Variants in SGO2 observed in about 807,000 individuals in gnomAD.
SGO2 encodes the protein shugoshin-like 2.
SGO2 carries 68 observed loss-of-function variants against 99.5 expected under a neutral mutation model. The observed-to-expected ratio is 0.68, with a 90% CI of 0.56 to 0.84. The LOEUF (loss-of-function observed/expected upper bound fraction) is 0.84, where lower values mean the gene tolerates loss of function less well. Among genes scored for constraint, SGO2 ranks in the 40% least tolerant of loss-of-function variants. SGO2 has a pLI of 0.00. For missense variants in SGO2, 1,350 were observed against 1,436.7 expected (o/e 0.94, Z 0.97); for synonymous variants, 457 against 487.1 (o/e 0.94, Z 0.81).
chr2:200,572,271 A>G lies in SGO2; in HGVS notation c.1925A>G (p.Lys642Arg). ...GATAAAGATGTGGTGCATGGCCTAA[A>G]AAAAGGTAATTTTTTTTTCAAAACC... ...DNDKDVVHGL[K>R]KGNFFFKTQE... The change falls in exon 7 of 9, where the codon AAA becomes AGA. Residue 642 changes from lysine (K) to arginine (R), a missense_variant. By Grantham distance (26) the Lys-to-Arg change is conservative. Transcript: ENST00000357799. The G allele has an allele frequency of 6.2e-7, 1 of 1,610,986 alleles. No individual in the cohort carries two copies. The highest frequency in any genetic ancestry group is 1.1e-5 in the South Asian group (1 of 90,166).
intron 1 of SGO2, chr2:200,531,706 A>G (rs544347100): frequency 3.6e-4 from 55 of 152,368 alleles, no homozygotes; most frequent in Admixed American, 9.8e-4. Flanking sequence ...AAAACAACTG[A>G]AATGTATTTC....
At chr2:200,546,252 C>T (rs1183906542) in intron 5 of SGO2, among the ~76,000 whole-genome samples, 1 of 145,786 alleles carries the variant, frequency 6.9e-6, no homozygotes, top group African/African-American at 2.5e-5. Context: ...ATTCAGGAGG[C>T]TGAGGCAGGA....
rs1052004089 is a variant in SGO2, at chr2:200,572,640, A to G, written c.2294A>G (p.Glu765Gly). 1 of 1,612,672 alleles carries G rather than the reference A, an allele frequency of 6.2e-7. No individual in the cohort carries two copies. Among genetic ancestry groups the G allele is most frequent in the Admixed American group, 1.7e-5 (1 of 59,846 alleles). Residue 765 changes from glutamate (E) to glycine (G), a missense_variant, in exon 7 of 9, where the codon GAA becomes GGA. Physicochemically the swap from Glu to Gly is moderately conservative, Grantham distance 98. Transcript: ENST00000357799. Reference protein sequence around the residue: ...PGNLEDPSEFETPALSTKDSG... With the variant: ...PGNLEDPSEFGTPALSTKDSG... ...AACCTAGAAGACCCAAGTGAGTTTG[A>G]AACACCTGCTCTTTCTACCAAAGAT...
At chr2:200,533,453 G>C (rs1160297747) in intron 2 of SGO2, 1 of 203,038 alleles carries the variant, frequency 4.9e-6, no homozygotes, top group East Asian at 1.5e-4. Flanking sequence ...ACTGGATGAT[G>C]GGTAGCCTTG....
rs564042654 is a variant in SGO2, at chr2:200,532,861, T to C, written c.-2-113T>C. 78 of 1,086,528 alleles carry C rather than the reference T, an allele frequency of 7.2e-5. No individual in the cohort carries two copies. The African/African-American group carries it at 1.4e-3, about 19-fold the overall frequency. The allele number at this position is 1,086,528 out of a possible 1,614,324, so 67.3% of individuals were successfully genotyped here. ...CAGATTTTATGTAAAGTTTAGCAAA[T>C]ACTTAATGCACAAAGTATATTAAGT... On this transcript the variant is annotated intron_variant, in intron 1 of 8. Coordinates refer to ENST00000357799, the MANE Select transcript of SGO2 (RefSeq NM_152524.6).
At chr2:200,561,185 C>G (rs961304614) in intron 5 of SGO2, among the ~76,000 whole-genome samples, 1 of 152,130 alleles carries the variant, frequency 6.6e-6, no homozygotes, top group Non-Finnish European at 1.5e-5. Context: ...CTAACGCTAT[C>G]CCTCCCCTCT....
Position 200,572,049 on chromosome 2 carries a change from T to C in SGO2, c.1703T>C (p.Phe568Ser). 1 of 1,613,474 alleles carries C rather than the reference T, an allele frequency of 6.2e-7. No homozygotes were observed. Among genetic ancestry groups the C allele is most frequent in the South Asian group, 1.1e-5 (1 of 90,972 alleles). The change falls in exon 7 of 9, where the codon TTT becomes TCT. Residue 568 changes from phenylalanine (F) to serine (S), a missense_variant. Phe to Ser is a radical substitution (Grantham distance 155). Coordinates refer to ENST00000357799, the MANE Select transcript of SGO2 (RefSeq NM_152524.6). ...IYENLDVTNE[F>S]HTANLSTKDN... ...GAAAACCTAGACGTCACAAATGAAT[T>C]TCACACAGCCAATCTTTCCACCAAA...
In SGO2 at chr2:200,526,256, A is replaced by G. The variant is rs541059780; in HGVS notation, c.-3+4A>G. On this transcript the variant is annotated splice_donor_region_variant and intron_variant, in intron 1 of 8. Coordinates refer to ENST00000357799, the MANE Select transcript of SGO2 (RefSeq NM_152524.6). The surrounding 1 kb of genome is among the most constrained non-coding windows in gnomAD (Gnocchi z 4.8). ...GGTGCCCCACGCTGAAAGAGAGGTA[A>G]GTTAGTGGCCTGCGGCAGTTGACGT... The G allele has an allele frequency of 9.8e-5, 15 of 152,422 alleles. No individual in the cohort carries two copies. Among genetic ancestry groups the G allele is most frequent in the African/African-American group, 3.6e-4 (15 of 41,582 alleles). 9.4% of individuals were successfully genotyped at this position (152,422 alleles called of 1,614,324 possible). A position where few individuals can be genotyped will look rare whatever the true frequency, so the allele number is the denominator to read the frequency against.
chr2:200,580,446 T>C (rs535917851), intron 8 of SGO2: 7 of 428,528 alleles, frequency 1.6e-5, no homozygotes, highest in East Asian at 8.8e-5. Context: ...TTCATATTTA[T>C]TATTTCCTTC....
chr2:200,573,191 A>T lies in SGO2; in HGVS notation c.2845A>T (p.Lys949Ter), dbSNP rs375831952. The part of the protein sequence containing the change: ...KDLDFKVNKS[K>*]QKLECQDIIN... ...TCTTGATTTTAAAGTAAATAAATCT[A>T]AACAAAAACTTGAATGCCAAGACAT... The change falls in exon 7 of 9, where the codon AAA (lysine) becomes TAA (stop). Residue 949 changes from lysine (K) to a stop codon, truncating the protein, a stop_gained. Transcript: ENST00000357799. LOFTEE classifies it high-confidence loss of function. The T allele has an allele frequency of 6.3e-7, 1 of 1,578,756 alleles. No homozygotes were observed.
rs966198575 is a variant in SGO2, at chr2:200,575,423, G to T, written c.3744G>T (p.Arg1248Ser). 6.3e-7 allele frequency: 1 copy of T among 1,597,972 alleles called. No homozygotes were observed. The highest frequency in any genetic ancestry group is 1.1e-5 in the South Asian group (1 of 88,806). Residue 1248 changes from arginine to serine, a missense_variant, in exon 8 of 9, where the codon AGG (arginine) becomes AGT (serine). By Grantham distance (110) the Arg-to-Ser change is moderately radical. Coordinates refer to ENST00000357799, the MANE Select transcript of SGO2 (RefSeq NM_152524.6). ...LSSERTSRRR[R>S]CTPFYFKEPS... The stretch of plus-strand genomic sequence containing the variant: ...CAGAACGGACAAGCAGAAGAAGAAG[G>T]TGTACTCCTTTCTATTTTAAAGAGC...
intron 5 of SGO2, among the ~76,000 whole-genome samples, chr2:200,550,941 G>C (rs556898391): frequency 6.6e-6 from 1 of 150,836 alleles, no homozygotes; most frequent in African/African-American, 2.4e-5. Context: ...CTGTCTCTCT[G>C]AGAAAGGATT....
At chr2:200,578,183 T>TAG (rs374832694) in intron 8 of SGO2, among the ~76,000 whole-genome samples, 17 of 152,162 alleles carry the variant, frequency 1.1e-4, no homozygotes, top group East Asian at 3.9e-4. Flanking sequence ...GATATAGATA[T>TAG]ATATCGTGGG....
chr2:200,533,078 C>T lies in SGO2; in HGVS notation c.103C>T (p.Leu35Phe). ...ISKTTKLNVS[L>F]ASKIKTKILN... ...AAAGACTACTAAGTTGAATGTTTCT[C>T]TTGCTTCAAAAATAAAAACAAAAAT... is the stretch of plus-strand genomic sequence containing the variant. Residue 35 changes from leucine (L) to phenylalanine (F), a missense_variant, in exon 2 of 9, where the codon CTT becomes TTT. Coordinates refer to ENST00000357799, the MANE Select transcript of SGO2 (RefSeq NM_152524.6). 4.4e-6 allele frequency: 7 copies of T among 1,586,134 alleles called. No homozygotes were observed. Among genetic ancestry groups the T allele is most frequent in the Non-Finnish European group, 6.0e-6 (7 of 1,171,626 alleles).
At chr2:200,531,128 G>A (rs977427227) in intron 1 of SGO2, among the ~76,000 whole-genome samples, 2 of 84,994 alleles carry the variant, frequency 2.4e-5, no homozygotes, top group African/African-American at 1.0e-4. Flanking sequence ...GGAAGGCATG[G>A]GATCCAGTGC....
At position 200,570,858 on chromosome 2, in the gene SGO2, G is replaced by A. The variant is rs1411334452; in HGVS notation, c.704-192G>A. 6.6e-6 allele frequency among the ~76,000 whole-genome samples: 1 copy of A among 151,968 alleles called. No homozygotes were observed. Among genetic ancestry groups the A allele is most frequent in the East Asian group, 1.9e-4 (1 of 5,194 alleles). On this transcript the variant is annotated intron_variant, in intron 6 of 8. Transcript: ENST00000357799. This position sits in a 1 kb window ranked among gnomAD's most constrained non-coding sequence, Gnocchi z 4.4. ...TTTTCTGTAGATACAAATGTAAAAT[G>A]TGATTTAGGAGTATTCATCATTTCT...
At position 200,532,272 on chromosome 2, in the gene SGO2, G is replaced by GTTTTT. The variant is rs58961852; in HGVS notation, c.-2-695_-2-691dup. 3.6e-4 allele frequency: 68 copies of GTTTTT among 187,660 alleles called. 2 individuals carry two copies. The highest frequency in any genetic ancestry group is 9.1e-4 in the African/African-American group (30 of 32,972). 11.6% of individuals were successfully genotyped at this position (187,660 alleles called of 1,614,324 possible). ...GCAGGTGCAGGTGACAGAGTTTTTT[G>GTTTTT]TTTTTTTTTTTGTTTTTTTTTTTTT... On this transcript the variant is annotated intron_variant, in intron 1 of 8. Coordinates refer to ENST00000357799, the MANE Select transcript of SGO2 (RefSeq NM_152524.6).
intron 5 of SGO2, among the ~76,000 whole-genome samples, chr2:200,551,730 A>G (rs1447777972): frequency 7.2e-5 from 11 of 151,910 alleles, no homozygotes; most frequent in Non-Finnish European, 1.5e-5. Context: ...CTGACCTTGT[A>G]TCATTTATTG....
rs1458026545 is a variant in SGO2 at position 200,526,257 on chromosome 2, G to A, written c.-3+5G>A. 2 of 152,354 alleles carry A rather than the reference G, an allele frequency of 1.3e-5. No individual in the cohort carries two copies. Among genetic ancestry groups the A allele is most frequent in the African/African-American group, 4.8e-5 (2 of 41,480 alleles). 9.4% of individuals were successfully genotyped at this position (152,354 alleles called of 1,614,324 possible). On this transcript the variant is annotated splice_donor_5th_base_variant and intron_variant, in intron 1 of 8. Transcript: ENST00000357799. The surrounding 1 kb of genome is among the most constrained non-coding windows in gnomAD (Gnocchi z 4.8). Reference sequence around the variant, plus strand: ...GTGCCCCACGCTGAAAGAGAGGTAAGTTAGTGGCCTGCGGCAGTTGACGTG... The same window carrying A: ...GTGCCCCACGCTGAAAGAGAGGTAAATTAGTGGCCTGCGGCAGTTGACGTG...
Sources: allele counts gnomAD v4.1 joint callset (sites outside exome capture counted in the v4.1 genomes callset), GRCh38; gene constraint gnomAD v4.1.1; non-coding constraint Gnocchi (gnomAD v3.1); transcripts MANE v1.5; gene names NCBI Gene and HGNC (gene_info 2026-07-23, HGNC 2026-07-21).